RPTOR: variants seen among roughly 807,000 people sequenced by gnomAD.
RPTOR encodes the protein regulatory associated protein of MTOR complex 1.
Under a neutral mutation model 169.9 loss-of-function variants are expected in RPTOR, and 21 were observed. That is an observed-to-expected ratio of 0.12 (90% confidence interval 0.09 to 0.18). The LOEUF (loss-of-function observed/expected upper bound fraction) is 0.18. Ranked by LOEUF, RPTOR falls within the 10% of genes least tolerant of loss-of-function variation. The probability of loss-of-function intolerance (pLI) is 1.00; values close to 1 mark genes in which losing one functional copy is unlikely to be tolerated. For missense variants in RPTOR, 1,133 were observed against 1,855.9 expected (o/e 0.61, Z 7.16); for synonymous variants, 732 against 753.2 (o/e 0.97, Z 0.46).
chr17:80,563,989 C>T (rs532899556), intron 1 of RPTOR, among the ~76,000 whole-genome samples: 98 of 152,308 alleles, frequency 6.4e-4, no homozygotes, highest in African/African-American at 2.3e-3. Flanking sequence ...GTTAACTCAC[C>T]TGCTGATGGA....
intron 6 of RPTOR, among the ~76,000 whole-genome samples, chr17:80,776,707 A>G (rs1280919040): frequency 1.3e-5 from 2 of 152,214 alleles, no homozygotes; most frequent in Non-Finnish European, 1.5e-5. Flanking sequence ...TCAACACAAC[A>G]TTATTTTCAG....
In RPTOR at chr17:80,840,597, C is replaced by T. The variant is rs373450829; in HGVS notation, c.1212+2600C>T. ...CGCACGGCAGCTCACATTCACCGCA[C>T]GGCAGCTCACTCTCACCACACCACA... On this transcript the variant is annotated intron_variant, in intron 10 of 33. Coordinates refer to ENST00000306801, the MANE Select transcript of RPTOR (RefSeq NM_020761.3). 1.1e-3 allele frequency among the ~76,000 whole-genome samples: 99 copies of T among 92,416 alleles called. 4 individuals carry two copies. The highest frequency in any genetic ancestry group is 3.5e-3 in the African/African-American group (95 of 27,178). 60.6% of individuals were successfully genotyped at this position (92,416 alleles called of 152,430 possible).
chr17:80,796,056 G>T (rs557182244), intron 7 of RPTOR, among the ~76,000 whole-genome samples: 4 of 152,206 alleles, frequency 2.6e-5, no homozygotes. Context: ...ATGGCAAGGC[G>T]CCAGAGAGGC....
intron 3 of RPTOR, among the ~76,000 whole-genome samples, chr17:80,656,313 C>G (rs1433142288): frequency 6.6e-6 from 1 of 152,164 alleles, no homozygotes; most frequent in Admixed American, 6.5e-5. Flanking sequence ...GGTGAGCCAC[C>G]CGCCTTGGCC....
chr17:80,637,781 G>T (rs769418041), intron 2 of RPTOR, among the ~76,000 whole-genome samples: 12 of 152,378 alleles, frequency 7.9e-5, no homozygotes, highest in Non-Finnish European at 1.6e-4. Flanking sequence ...CCAAGGGAAC[G>T]TTTGGGAGGT....
intron 25 of RPTOR, among the ~76,000 whole-genome samples, chr17:80,942,684 A>T (rs1471853065): frequency 6.6e-6 from 1 of 152,158 alleles, no homozygotes; most frequent in Non-Finnish European, 1.5e-5. Context: ...ATTGAGAAAA[A>T]GGAGGAATTG....
At chr17:80,796,824 G>A (rs908238) in intron 7 of RPTOR, among the ~76,000 whole-genome samples, 1 of 152,076 alleles carries the variant, frequency 6.6e-6, no homozygotes, top group Non-Finnish European at 1.5e-5. Flanking sequence ...TGGTGCCTCC[G>A]CCTCACAGTG....
chr17:80,575,802 G>A (rs4890048), intron 1 of RPTOR, among the ~76,000 whole-genome samples: 51,140 of 151,984 alleles, frequency 0.34, 9,258 homozygotes, highest in African/African-American at 0.43. Context: ...ACAGAGAGGT[G>A]TATTAACACT....
At chr17:80,581,700 C>A (rs1425926975) in intron 1 of RPTOR, among the ~76,000 whole-genome samples, 1 of 151,942 alleles carries the variant, frequency 6.6e-6, no homozygotes, top group Non-Finnish European at 1.5e-5. Context: ...GCCTGTTATT[C>A]TCTGCAGTGG....
rs75910696 is a variant in RPTOR, at chr17:80,619,641, A to G, written c.163-6050A>G. Among the ~76,000 whole-genome samples, 46 of 152,258 alleles carry G rather than the reference A, an allele frequency of 3.0e-4. No individual in the cohort carries two copies. In the East Asian group the frequency reaches 7.9e-3, roughly 26 times the overall value. On this transcript the variant is annotated intron_variant, in intron 1 of 33. Coordinates refer to ENST00000306801, the MANE Select transcript of RPTOR (RefSeq NM_020761.3). ...TATTTCCACAGCTCATTTGGTGGCA[A>G]CGCTTGGCCTGAGCTGGGGTGAGAC...
At position 80,708,979 on chromosome 17, in the gene RPTOR, G is replaced by A. The variant is rs1197557234; in HGVS notation, c.507+980G>A. ...CCGTTTCTTCACACACTGAACTCTC[G>A]GTTCCCGCCTACCGTCCCGGGTTCG... On this transcript the variant is annotated intron_variant, in intron 4 of 33. Transcript: ENST00000306801. This position sits in a 1 kb window ranked among gnomAD's most constrained non-coding sequence, Gnocchi z 4.2. 1.1e-5 allele frequency: 11 copies of A among 985,562 alleles called. No homozygotes were observed. In the Admixed American group the frequency reaches 1.8e-4, roughly 17 times the overall value. 61.1% of individuals were successfully genotyped at this position (985,562 alleles called of 1,614,324 possible). A position where few individuals can be genotyped will look rare whatever the true frequency, so the allele number is the denominator to read the frequency against.
At chr17:80,875,333 A>G (rs553673590) in intron 13 of RPTOR, among the ~76,000 whole-genome samples, 9 of 152,268 alleles carry the variant, frequency 5.9e-5, no homozygotes, top group Non-Finnish European at 1.3e-4. Flanking sequence ...AACAACAAAT[A>G]CATGCTTGCA....
At chr17:80,938,851 C>T (rs1377370615) in intron 24 of RPTOR, among the ~76,000 whole-genome samples, 1 of 152,202 alleles carries the variant, frequency 6.6e-6, no homozygotes, top group African/African-American at 2.4e-5. Flanking sequence ...TGACACAAAG[C>T]ATTCGAGGAA....
At chr17:80,890,524 G>A (rs368619819) in intron 17 of RPTOR, among the ~76,000 whole-genome samples, 150 of 151,778 alleles carry the variant, frequency 9.9e-4, no homozygotes, top group African/African-American at 3.2e-3. Flanking sequence ...ATGGCCCTTG[G>A]TGCCCAGCAG....
intron 1 of RPTOR, among the ~76,000 whole-genome samples, chr17:80,605,418 G>A (rs1251073267): frequency 6.6e-6 from 1 of 152,182 alleles, no homozygotes; most frequent in Non-Finnish European, 1.5e-5. Context: ...TGATACGTGA[G>A]AGTCAGTGAA....
intron 1 of RPTOR, among the ~76,000 whole-genome samples, chr17:80,547,815 G>T (rs2084295411): frequency 6.6e-6 from 1 of 152,158 alleles, no homozygotes; most frequent in African/African-American, 2.4e-5. Flanking sequence ...AATGGCATAG[G>T]TTCAAAGATA....
intron 1 of RPTOR, among the ~76,000 whole-genome samples, chr17:80,614,134 T>C (rs2065291748): frequency 6.6e-6 from 1 of 152,156 alleles, no homozygotes; most frequent in Non-Finnish European, 1.5e-5. Context: ...AAGCCAGGCC[T>C]GGAAGACCCA....
intron 17 of RPTOR, among the ~76,000 whole-genome samples, chr17:80,889,892 C>G: frequency 8.6e-6 from 1 of 116,888 alleles, no homozygotes; most frequent in Non-Finnish European, 1.8e-5. Flanking sequence ...GAGGGAGGCC[C>G]CCGTACGCAG....
At chr17:80,687,863 G>T (rs2065960668) in intron 3 of RPTOR, among the ~76,000 whole-genome samples, 1 of 152,160 alleles carries the variant, frequency 6.6e-6, no homozygotes. Context: ...TGGGATGCCC[G>T]CACTGCCTTC....
Sources: allele counts gnomAD v4.1 joint callset (sites outside exome capture counted in the v4.1 genomes callset), GRCh38; gene constraint gnomAD v4.1.1; non-coding constraint Gnocchi (gnomAD v3.1); transcripts MANE v1.5; gene names NCBI Gene and HGNC (gene_info 2026-07-23, HGNC 2026-07-21).